Variants in DNAH11 observed in about 807,000 individuals in gnomAD.
The protein encoded by DNAH11 is dynein axonemal heavy chain 11, also known as axonemal beta dynein heavy chain 11.
Under a neutral mutation model 526.0 loss-of-function variants are expected in DNAH11, and 442 were observed. That is an observed-to-expected ratio of 0.84 (90% CI 0.78 to 0.91). The LOEUF (loss-of-function observed/expected upper bound fraction) is 0.91, where lower values mean the gene tolerates loss of function less well. Among genes scored for constraint, DNAH11 ranks in the 40% least tolerant of loss-of-function variants. DNAH11 has a pLI of 0.00. For missense variants in DNAH11, 6,989 were observed against 5,448.7 expected (o/e 1.28, Z -8.90); for synonymous variants, 2,461 against 1,935.9 (o/e 1.27, Z -7.12).
chr7:21,705,534 T>G lies in DNAH11; in HGVS notation c.6543T>G (p.Ser2181Arg), dbSNP rs1784230970. 6.2e-7 allele frequency: 1 copy of G among 1,612,946 alleles called. No individual in the cohort carries two copies. The change falls in exon 39 of 82, where the codon AGT becomes AGG. Residue 2181 changes from serine (S) to arginine (R), a missense_variant. Ser to Arg is a moderately radical substitution (Grantham distance 110). Coordinates refer to ENST00000409508, the MANE Select transcript of DNAH11 (RefSeq NM_001277115.2). ...TTGGAAATGCAGGCACAGGAAAGAG[T>G]AAGGTATAGTAAATTGCCTAATAGC... ...FVVGNAGTGKSKILRTLNRTY... is the reference protein window; with the variant it reads ...FVVGNAGTGKRKILRTLNRTY...
chr7:21,746,442 A>G (rs747351613), intron 51 of DNAH11, among the ~76,000 whole-genome samples: 1 of 151,134 alleles, frequency 6.6e-6, no homozygotes, highest in Non-Finnish European at 1.5e-5. Context: ...CATCTCTACA[A>G]TTTTTTTTTA....
At chr7:21,626,911 T>A (rs2128456670) in intron 25 of DNAH11, among the ~76,000 whole-genome samples, 1 of 151,894 alleles carries the variant, frequency 6.6e-6, no homozygotes, top group South Asian at 2.1e-4. Context: ...CCACCATGCC[T>A]GGCTAATTTT....
chr7:21,705,571 G>C, intron 39 of DNAH11, 34 bp downstream of exon 39: 1 of 1,588,290 alleles, frequency 6.3e-7, no homozygotes, highest in African/African-American at 1.3e-5. Context: ...TACAGCTATG[G>C]AAAGAACATT....
chr7:21,652,731 A>G (rs1182281417), intron 28 of DNAH11, among the ~76,000 whole-genome samples: 1 of 152,166 alleles, frequency 6.6e-6, no homozygotes, highest in Middle Eastern at 3.2e-3. Context: ...GACTACCTGT[A>G]TTCAATTTTT....
At chr7:21,565,705 G>C (rs1006552439) in intron 6 of DNAH11, among the ~76,000 whole-genome samples, 1 of 152,204 alleles carries the variant, frequency 6.6e-6, no homozygotes, top group Non-Finnish European at 1.5e-5. Flanking sequence ...TATCAGTGGG[G>C]ATAATGCCTA....
intron 45 of DNAH11, among the ~76,000 whole-genome samples, chr7:21,730,522 A>G (rs1343934298): frequency 6.6e-6 from 1 of 152,240 alleles, no homozygotes; most frequent in African/African-American, 2.4e-5. Context: ...AGCCTTTAAC[A>G]AGAAGGAAAT....
chr7:21,562,615 G>A (rs919596233), intron 5 of DNAH11, among the ~76,000 whole-genome samples: 1 of 152,078 alleles, frequency 6.6e-6, no homozygotes, highest in Non-Finnish European at 1.5e-5. Flanking sequence ...CAAGTTGAAG[G>A]AAGAAAGCTC....
chr7:21,612,038 A>G (rs2128451066), intron 20 of DNAH11, among the ~76,000 whole-genome samples: 1 of 152,324 alleles, frequency 6.6e-6, no homozygotes, highest in Admixed American at 6.5e-5. Flanking sequence ...CAGTATTAGA[A>G]TAAAATAGGG....
intron 62 of DNAH11, 42 bp from the exon 63 acceptor site, chr7:21,807,841 T>G: frequency 6.4e-7 from 1 of 1,559,842 alleles, no homozygotes; most frequent in Non-Finnish European, 8.8e-7. Flanking sequence ...GAGTTGACAT[T>G]CAGCCTGCAA....
At chr7:21,548,531 C>G (rs781638238) in intron 2 of DNAH11, among the ~76,000 whole-genome samples, 40 of 152,170 alleles carry the variant, frequency 2.6e-4, no homozygotes, top group Non-Finnish European at 3.5e-4. Context: ...TGTCAAATAT[C>G]TCCAATTTTG....
In DNAH11 at chr7:21,866,677, C is replaced by G. The variant is rs755071195; in HGVS notation, c.11690+14C>G. The G allele has an allele frequency of 3.1e-6, 5 of 1,594,640 alleles. No individual in the cohort carries two copies. Among genetic ancestry groups the G allele is most frequent in the Admixed American group, 1.7e-5 (1 of 57,222 alleles). The stretch of plus-strand genomic sequence containing the variant: ...GTATGCTCTCAGGTGGGGTGGTCAG[C>G]ATTTTTGGAAACATGTATTAGTTAA... On this transcript the variant is annotated intron_variant, in intron 71 of 81. Coordinates refer to ENST00000409508, the MANE Select transcript of DNAH11 (RefSeq NM_001277115.2).
At chr7:21,613,592 G>A (rs1260355084) in intron 20 of DNAH11, among the ~76,000 whole-genome samples, 8 of 152,172 alleles carry the variant, frequency 5.3e-5, no homozygotes, top group Admixed American at 2.0e-4. Context: ...TTGGGGAGAT[G>A]TTAGTTCACA....
chr7:21,643,131 A>T (rs1211789477), intron 28 of DNAH11, among the ~76,000 whole-genome samples: 1 of 152,210 alleles, frequency 6.6e-6, no homozygotes, highest in Non-Finnish European at 1.5e-5. Context: ...AGCTATGGAC[A>T]ACTGGCCTGA....
chr7:21,900,854 G>A (rs1784771469), intron 81 of DNAH11, 153 bp from the exon 82 acceptor site: 5 of 1,300,204 alleles, frequency 3.8e-6, no homozygotes, highest in South Asian at 3.6e-5. Context: ...ACCTTTCAAA[G>A]CTCAGTCCGG....
intron 53 of DNAH11, 121 bp from the exon 54 acceptor site, chr7:21,750,101 T>C (rs968547132): frequency 1.5e-6 from 2 of 1,314,880 alleles, no homozygotes; most frequent in Non-Finnish European, 2.0e-6. Context: ...ACGTTTCTGA[T>C]TTTAAACTCT....
chr7:21,892,780 C>T, intron 77 of DNAH11, 113 bp downstream of exon 77: 1 of 1,186,436 alleles, frequency 8.4e-7, no homozygotes, highest in Non-Finnish European at 1.2e-6. Context: ...TTTACTCATA[C>T]AACCACCACC....
chr7:21,558,185 G>A (rs1032605772), intron 2 of DNAH11, among the ~76,000 whole-genome samples: 4 of 152,128 alleles, frequency 2.6e-5, no homozygotes, highest in African/African-American at 9.7e-5. Context: ...TACTTGAAGG[G>A]AAAGCAAGAA....
chr7:21,874,418 C>T (rs910946144), intron 74 of DNAH11, among the ~76,000 whole-genome samples: 1 of 151,916 alleles, frequency 6.6e-6, no homozygotes, highest in African/African-American at 2.4e-5. Context: ...TCACTGCAAC[C>T]TCAGCCTCCC....
At chr7:21,688,417 A>C (rs1184877427) in intron 34 of DNAH11, among the ~76,000 whole-genome samples, 1 of 152,200 alleles carries the variant, frequency 6.6e-6, no homozygotes, top group Non-Finnish European at 1.5e-5. Context: ...CACGTTAGGC[A>C]TCACAGGCCC....
Sources: gnomAD v4.1 joint callset for allele counts (sites outside exome capture counted in the v4.1 genomes callset) on GRCh38, gnomAD v4.1.1 for gene constraint, MANE v1.5 for transcripts, NCBI Gene and HGNC (gene_info 2026-07-23, HGNC 2026-07-21) for gene names.